ZNF536: variants seen among roughly 807,000 people sequenced by gnomAD.
ZNF536 encodes zinc finger protein 536.
Under a neutral mutation model 84.5 loss-of-function variants are expected in ZNF536, and 13 were observed. That is an observed-to-expected ratio of 0.15 (90% CI 0.10 to 0.24). The LOEUF (loss-of-function observed/expected upper bound fraction) is 0.24. Ranked by LOEUF, ZNF536 falls within the 10% of genes least tolerant of loss-of-function variation. ZNF536 has a pLI of 1.00. For synonymous variants in ZNF536, 811 were observed against 742.5 expected, an observed-to-expected ratio of 1.09 and a Z score of -1.50; for missense variants, 1,536 against 1,747.5, an observed-to-expected ratio of 0.88 and a Z score of 2.16.
intron 1 of ZNF536, among the ~76,000 whole-genome samples, chr19:30,378,828 C>T (rs543421232): frequency 6.6e-6 from 1 of 152,310 alleles, no homozygotes; most frequent in Non-Finnish European, 1.5e-5. Context: ...TGTTCTGGAC[C>T]TCCCGAAGTT....
chr19:30,692,405 G>A (rs2051449710), intron 1 of ZNF536, among the ~76,000 whole-genome samples: 1 of 152,202 alleles, frequency 6.6e-6, no homozygotes, highest in Admixed American at 6.5e-5. Flanking sequence ...ACTCACAGAT[G>A]GTCGCTCTGG....
intron 1 of ZNF536, among the ~76,000 whole-genome samples, chr19:30,239,923 C>T (rs1366142381): frequency 6.6e-6 from 1 of 152,200 alleles, no homozygotes; most frequent in Admixed American, 6.5e-5. Flanking sequence ...CTGCTCTCAC[C>T]CTTGGGGTTT....
At chr19:30,427,924 G>A (rs2051284844) in intron 1 of ZNF536, among the ~76,000 whole-genome samples, 1 of 152,182 alleles carries the variant, frequency 6.6e-6, no homozygotes, top group Admixed American at 6.5e-5. Context: ...ATTTAAAAAT[G>A]GAACCTTGCT....
intron 1 of ZNF536, among the ~76,000 whole-genome samples, chr19:30,282,734 C>T (rs1438569930): frequency 6.6e-6 from 1 of 151,980 alleles, no homozygotes; most frequent in African/African-American, 2.4e-5. Context: ...TAGCATTGGG[C>T]ATTTGTTCCT....
At chr19:30,563,859 C>G (rs2046260641) in intron 1 of ZNF536, among the ~76,000 whole-genome samples, 1 of 152,164 alleles carries the variant, frequency 6.6e-6, no homozygotes, top group South Asian at 2.1e-4. Flanking sequence ...GCCTGACAAC[C>G]CCTGCGGATG....
chr19:30,413,046 T>C (rs550038395), intron 1 of ZNF536, among the ~76,000 whole-genome samples: 1 of 152,220 alleles, frequency 6.6e-6, no homozygotes, highest in South Asian at 2.1e-4. Context: ...TTTTAAAATG[T>C]GTTTTGTATC....
chr19:30,423,405 A>G (rs950162352), intron 1 of ZNF536, among the ~76,000 whole-genome samples: 2 of 152,230 alleles, frequency 1.3e-5, no homozygotes, highest in South Asian at 4.1e-4. Flanking sequence ...CAATAGGGAT[A>G]CAGTAATAAT....
At chr19:30,254,950 T>C (rs2024831854) in intron 1 of ZNF536, among the ~76,000 whole-genome samples, 1 of 152,192 alleles carries the variant, frequency 6.6e-6, no homozygotes, top group African/African-American at 2.4e-5. Flanking sequence ...CTTGGAGTGG[T>C]TAGTGTTTCT....
intron 1 of ZNF536, among the ~76,000 whole-genome samples, chr19:30,637,127 C>T (rs934702546): frequency 2.0e-5 from 3 of 152,208 alleles, no homozygotes; most frequent in Non-Finnish European, 2.9e-5. Context: ...GGGCAAAGTC[C>T]TTGACAGCAT....
At chr19:30,594,730 C>T (rs981425639) in intron 1 of ZNF536, among the ~76,000 whole-genome samples, 7 of 152,020 alleles carry the variant, frequency 4.6e-5, no homozygotes, top group Non-Finnish European at 7.4e-5. Context: ...CTCCTCCCTC[C>T]CCACTCTTCT....
intron 2 of ZNF536, among the ~76,000 whole-genome samples, chr19:30,468,662 C>A (rs1051296762): frequency 6.6e-6 from 1 of 151,912 alleles, no homozygotes; most frequent in Non-Finnish European, 1.5e-5. Context: ...AGGCACGGAG[C>A]AGCATGGAGG....
intron 2 of ZNF536, among the ~76,000 whole-genome samples, chr19:30,305,711 A>G (rs962162180): frequency 6.6e-6 from 1 of 152,144 alleles, no homozygotes; most frequent in East Asian, 1.9e-4. Flanking sequence ...GGGGTTTGGG[A>G]GCCCACTGTT....
At chr19:30,360,738 C>G (rs1441806387) in intron 3 of ZNF536, among the ~76,000 whole-genome samples, 1 of 152,194 alleles carries the variant, frequency 6.6e-6, no homozygotes. Context: ...GCTAAGCCCG[C>G]CTTGCACTGG....
At chr19:30,241,217 C>T (rs913762111) in intron 1 of ZNF536, among the ~76,000 whole-genome samples, 1 of 151,994 alleles carries the variant, frequency 6.6e-6, no homozygotes, top group African/African-American at 2.4e-5. Flanking sequence ...CTTCAGGAGG[C>T]TGAGGTGGGA....
At chr19:30,712,910 T>C (rs1455158276) in exon 2 of ZNF536, 2 of 137,226 alleles carry the variant, frequency 1.5e-5, no homozygotes, top group Non-Finnish European at 3.0e-5. Flanking sequence ...GCCTTTGGTA[T>C]CTTAGCAAAG....
chr19:30,296,505 T>A (rs1009860591), intron 2 of ZNF536, among the ~76,000 whole-genome samples: 18 of 152,118 alleles, frequency 1.2e-4, no homozygotes, highest in African/African-American at 4.3e-4. Flanking sequence ...CTCTTGACAG[T>A]GCAGAGGGGT....
intron 2 of ZNF536, among the ~76,000 whole-genome samples, chr19:30,334,838 C>T (rs957176425): frequency 5.3e-5 from 8 of 152,186 alleles, no homozygotes; most frequent in Admixed American, 1.3e-4. Flanking sequence ...CACCTCAGAT[C>T]GTCAAGCATT....
chr19:30,244,438 G>A (rs2144932274), intron 1 of ZNF536, among the ~76,000 whole-genome samples: 1 of 152,304 alleles, frequency 6.6e-6, no homozygotes, highest in Admixed American at 6.5e-5. Flanking sequence ...TAGAATAGCA[G>A]ATAATAACAT....
At chr19:30,592,845 C>A (rs566698048) in intron 1 of ZNF536, among the ~76,000 whole-genome samples, 2 of 152,140 alleles carry the variant, frequency 1.3e-5, no homozygotes, top group Non-Finnish European at 2.9e-5. Flanking sequence ...CTAGATATAG[C>A]GCATTTCTCA....
Sources: allele counts gnomAD v4.1 joint callset (sites outside exome capture counted in the v4.1 genomes callset), GRCh38; gene constraint gnomAD v4.1.1; transcripts MANE v1.5; gene names NCBI Gene and HGNC (gene_info 2026-07-23, HGNC 2026-07-21).